FOXO1: variants seen among roughly 807,000 people sequenced by gnomAD.
The protein encoded by FOXO1 is forkhead box O1, also known as forkhead box protein O1.
Under a neutral mutation model 44.1 loss-of-function variants are expected in FOXO1, and 6 were observed. The ratio of observed to expected loss-of-function variants is 0.14; its 90% CI spans 0.07 to 0.27. The LOEUF is 0.27. Ranked by LOEUF, FOXO1 falls within the 10% of genes least tolerant of loss-of-function variation. The pLI is 1.00. For synonymous variants in FOXO1, 380 were observed against 362.7 expected, an observed-to-expected ratio of 1.05 and a Z score of -0.54; for missense variants, 737 against 888.8, an observed-to-expected ratio of 0.83 and a Z score of 2.17.
At chr13:40,661,244 T>TC (rs1358841088) in intron 1 of FOXO1, among the ~76,000 whole-genome samples, 1 of 152,004 alleles carries the variant, frequency 6.6e-6, no homozygotes, top group Non-Finnish European at 1.5e-5. Flanking sequence ...CATTATCGCT[T>TC]CCCCAAGTAC....
intron 1 of FOXO1, among the ~76,000 whole-genome samples, chr13:40,623,658 A>G (rs1372811180): frequency 1.3e-5 from 2 of 152,192 alleles, no homozygotes; most frequent in Non-Finnish European, 2.9e-5. Context: ...TCCAGATCAC[A>G]GGAAATTAAA....
chr13:40,653,857 G>T (rs1024772735), intron 1 of FOXO1, among the ~76,000 whole-genome samples: 1 of 152,080 alleles, frequency 6.6e-6, no homozygotes, highest in African/African-American at 2.4e-5. Flanking sequence ...GTTTTAAACA[G>T]AAACACATAT....
intron 1 of FOXO1, among the ~76,000 whole-genome samples, chr13:40,567,135 C>T (rs906880035): frequency 3.3e-5 from 5 of 152,002 alleles, no homozygotes; most frequent in Non-Finnish European, 7.4e-5. Flanking sequence ...AGACCACCAC[C>T]TGTCAGCCAC....
chr13:40,665,048 G>A (rs1018891045), intron 1 of FOXO1, among the ~76,000 whole-genome samples: 1 of 151,834 alleles, frequency 6.6e-6, no homozygotes, highest in African/African-American at 2.4e-5. Context: ...GGCAGGCCCT[G>A]CACCGTCCCC....
At chr13:40,628,387 A>ACACACACACCCC (rs1445854283) in intron 1 of FOXO1, among the ~76,000 whole-genome samples, 2 of 151,182 alleles carry the variant, frequency 1.3e-5, no homozygotes, top group African/African-American at 4.9e-5. Context: ...ACACACACAC[A>ACACACACACCCC]CACCCCGTGA....
chr13:40,609,433 ATGAG>A (rs1876146087), intron 1 of FOXO1, among the ~76,000 whole-genome samples: 1 of 152,192 alleles, frequency 6.6e-6, no homozygotes, highest in Non-Finnish European at 1.5e-5. Context: ...AGAATTATGC[ATGAG>A]TATTTGTAAA....
At chr13:40,627,630 C>T (rs1876827176) in intron 1 of FOXO1, among the ~76,000 whole-genome samples, 2 of 152,020 alleles carry the variant, frequency 1.3e-5, no homozygotes, top group South Asian at 2.1e-4. Context: ...GTCGGGAGTT[C>T]GAGACCAGCC....
intron 1 of FOXO1, among the ~76,000 whole-genome samples, chr13:40,592,243 G>A (rs573418657): frequency 1.5e-4 from 23 of 151,926 alleles, no homozygotes; most frequent in Non-Finnish European, 2.1e-4. Context: ...CCAGCACTCC[G>A]CTTACTAAAT....
intron 1 of FOXO1, among the ~76,000 whole-genome samples, chr13:40,599,057 T>A (rs1593394305): frequency 6.6e-6 from 1 of 152,092 alleles, no homozygotes; most frequent in East Asian, 1.9e-4. Context: ...GAATTGCTTA[T>A]TCCATTAAGA....
At chr13:40,578,802 CAA>C (rs1874855296) in intron 1 of FOXO1, among the ~76,000 whole-genome samples, 2 of 152,194 alleles carry the variant, frequency 1.3e-5, no homozygotes, top group African/African-American at 2.4e-5. Context: ...ACAAAACAAA[CAA>C]GAGCAAAACT....
At chr13:40,635,875 C>A (rs1877129166) in intron 1 of FOXO1, among the ~76,000 whole-genome samples, 1 of 152,170 alleles carries the variant, frequency 6.6e-6, no homozygotes, top group Non-Finnish European at 1.5e-5. Context: ...CCCTGGGGAC[C>A]AGATGCATGC....
At position 40,615,528 on chromosome 13, in the gene FOXO1, AATACATACATACATAC is replaced by A. The variant is rs56390235; in HGVS notation, c.630+50039_630+50054del. 8.4e-3 allele frequency among the ~76,000 whole-genome samples: 1,169 copies of A among 139,794 alleles called. 13 individuals carry two copies. Among genetic ancestry groups the A allele is most frequent in the Non-Finnish European group, 0.012 (747 of 63,258 alleles). The allele number at this position is 139,794 out of a possible 152,430, so 91.7% of individuals were successfully genotyped here. On this transcript the variant is annotated intron_variant, in intron 1 of 2. Coordinates refer to ENST00000379561, the MANE Select transcript of FOXO1 (RefSeq NM_002015.4). ...GGTGACAGAGTGAGACTCCATCTCA[AATACATACATACATAC>A]ATACATACATACATACATACATACA...
In FOXO1 at chr13:40,560,282, C is replaced by G; in HGVS notation, c.1209G>C (p.Pro403=). 2 of 1,614,140 alleles carry G rather than the reference C, an allele frequency of 1.2e-6. No homozygotes were observed. The highest frequency in any genetic ancestry group is 1.7e-6 in the Non-Finnish European group (2 of 1,180,020). The change falls in exon 2 of 3, where the codon CCG becomes CCC. Residue 403 remains proline (P), a synonymous_variant. Coordinates refer to ENST00000379561, the MANE Select transcript of FOXO1 (RefSeq NM_002015.4). This position sits in a 1 kb window ranked among gnomAD's most constrained non-coding sequence, Gnocchi z 5.1. ...SSPGTMMQQT[P]CYSFAPPNTS... The stretch of plus-strand genomic sequence containing the variant: ...TGTTTGGTGGCGCAAACGAGTAGCA[C>G]GGCGTCTGCTGCATCATGGTGCCAG...
intron 1 of FOXO1, among the ~76,000 whole-genome samples, chr13:40,650,341 C>CAACT (rs1877639565): frequency 6.6e-6 from 1 of 152,134 alleles, no homozygotes; most frequent in South Asian, 2.1e-4. Context: ...TTGTGCTGAC[C>CAACT]AACTATCTCA....
intron 1 of FOXO1, among the ~76,000 whole-genome samples, chr13:40,587,318 A>T (rs1487598219): frequency 6.6e-6 from 1 of 152,042 alleles, no homozygotes; most frequent in East Asian, 1.9e-4. Flanking sequence ...AGGAGACCAC[A>T]ATAAGAAGCA....
chr13:40,567,992 G>A lies in FOXO1; in HGVS notation c.631-7132C>T, dbSNP rs1189253054. On this transcript the variant is annotated intron_variant, in intron 1 of 2. Transcript: ENST00000379561. Reference sequence around the variant, plus strand: ...TAAAAAAAAAAAATTTACACAATGTGATTTGCTCTTATTCTAGTGGGTTCT... The same window carrying A: ...TAAAAAAAAAAAATTTACACAATGTAATTTGCTCTTATTCTAGTGGGTTCT... 2.6e-5 allele frequency among the ~76,000 whole-genome samples: 4 copies of A among 152,148 alleles called. No homozygotes were observed. The East Asian group carries it at 7.7e-4, about 29-fold the overall frequency.
At chr13:40,656,162 G>C (rs1877853365) in intron 1 of FOXO1, among the ~76,000 whole-genome samples, 1 of 152,074 alleles carries the variant, frequency 6.6e-6, no homozygotes, top group Non-Finnish European at 1.5e-5. Flanking sequence ...ACCTCCTCTG[G>C]ATCTATTGAA....
At chr13:40,650,779 G>A (rs1012254477) in intron 1 of FOXO1, among the ~76,000 whole-genome samples, 1 of 152,086 alleles carries the variant, frequency 6.6e-6, no homozygotes, top group Non-Finnish European at 1.5e-5. Flanking sequence ...TTTTGAGATG[G>A]AGTCTCACTC....
chr13:40,601,518 T>C (rs1046590473), intron 1 of FOXO1, among the ~76,000 whole-genome samples: 1 of 152,264 alleles, frequency 6.6e-6, no homozygotes, highest in Non-Finnish European at 1.5e-5. Context: ...AAATTTTCTC[T>C]AATATTTTTA....
Sources: gnomAD v4.1 joint callset for allele counts (sites outside exome capture counted in the v4.1 genomes callset) on GRCh38, gnomAD v4.1.1 for gene constraint, Gnocchi (gnomAD v3.1) non-coding constraint, MANE v1.5 for transcripts, NCBI Gene and HGNC (gene_info 2026-07-23, HGNC 2026-07-21) for gene names.